Variants in LIPH observed in about 807,000 individuals in gnomAD.
LIPH encodes the protein lipase H.
In LIPH, 32 loss-of-function variants were observed where a neutral mutation model predicts 47.6. That is an observed-to-expected ratio of 0.67 (90% CI 0.51 to 0.90). LIPH has a LOEUF of 0.90. Ranked by LOEUF, LIPH falls within the 40% of genes least tolerant of loss-of-function variation. LIPH has a pLI of 0.00. For synonymous variants in LIPH, 190 were observed against 195.6 expected, an observed-to-expected ratio of 0.97 and a Z score of 0.24; for missense variants, 497 against 541.4, an observed-to-expected ratio of 0.92 and a Z score of 0.81.
At chr3:185,528,188 T>A (rs1206600153) in intron 3 of LIPH, among the ~76,000 whole-genome samples, 2 of 147,948 alleles carry the variant, frequency 1.4e-5, no homozygotes, top group Non-Finnish European at 3.0e-5. Flanking sequence ...CATTCCAGCC[T>A]GGCGGCAGAG....
At chr3:185,552,302 C>T in intron 1 of LIPH, 121 bp downstream of exon 1, 12 of 581,526 alleles carry the variant, frequency 2.1e-5, no homozygotes, top group South Asian at 8.5e-5. Flanking sequence ...TATCTTTTTC[C>T]TTAAAAACGA....
Position 185,514,419 on chromosome 3 carries a change from T to G in LIPH, c.1085A>C (p.Lys362Thr), listed in dbSNP as rs770282473. Residue 362 changes from lysine (K) to threonine (T), a missense_variant, in exon 8 of 10, where the codon AAA (lysine) becomes ACA (threonine). Lys to Thr is a moderately conservative substitution (Grantham distance 78). Coordinates refer to ENST00000296252, the MANE Select transcript of LIPH (RefSeq NM_139248.3). ...RDKAGNTTES[K>T]INHEPTTFQK... is the part of the protein sequence containing the mutation. The stretch of plus-strand genomic sequence containing the variant: ...TTGTAACTCAACTTACTGATTGATT[T>G]TGGATTCTGTGGTGTTTCCAGCTTT... The G allele has an allele frequency of 1.2e-5, 17 of 1,472,200 alleles. No homozygotes were observed. Among genetic ancestry groups the G allele is most frequent in the Non-Finnish European group, 1.5e-5 (16 of 1,050,518 alleles). 91.2% of individuals were successfully genotyped at this position (1,472,200 alleles called of 1,614,324 possible). A position where few individuals can be genotyped will look rare whatever the true frequency, so the allele number is the denominator to read the frequency against.
rs548154681 is a variant in LIPH, at chr3:185,530,496, T to A, written c.527-2911A>T. On this transcript the variant is annotated intron_variant, in intron 3 of 9. Coordinates refer to ENST00000296252, the MANE Select transcript of LIPH (RefSeq NM_139248.3). Reference sequence around the variant, plus strand: ...CGGTCTCAAATAATAATAATAATAATAAATTAATTTAAAAAATACAAAAAT... The same window carrying A: ...CGGTCTCAAATAATAATAATAATAAAAAATTAATTTAAAAAATACAAAAAT... 5.3e-5 allele frequency among the ~76,000 whole-genome samples: 8 copies of A among 150,324 alleles called. No individual in the cohort carries two copies. In the South Asian group the frequency reaches 1.3e-3, roughly 24 times the overall value.
At chr3:185,528,459 A>G (rs1353943418) in intron 3 of LIPH, among the ~76,000 whole-genome samples, 1 of 152,108 alleles carries the variant, frequency 6.6e-6, no homozygotes, top group Non-Finnish European at 1.5e-5. Flanking sequence ...TTATTCATAT[A>G]TGCTAGCCCC....
At chr3:185,536,701 T>C (rs1324551728) in intron 1 of LIPH, among the ~76,000 whole-genome samples, 1 of 152,040 alleles carries the variant, frequency 6.6e-6, no homozygotes, top group Non-Finnish European at 1.5e-5. Flanking sequence ...AATAAATAAA[T>C]AAAAATTAAA....
intron 9 of LIPH, among the ~76,000 whole-genome samples, chr3:185,511,052 A>T (rs1719545970): frequency 6.6e-6 from 1 of 151,926 alleles, no homozygotes. Context: ...TATTTTTAAA[A>T]TTTTTTATTT....
chr3:185,535,777 A>G (rs138131288), intron 1 of LIPH, among the ~76,000 whole-genome samples: 2,591 of 145,186 alleles, frequency 0.018, 95 homozygotes, highest in African/African-American at 0.062. Context: ...TAATTTTTGT[A>G]TTTTTAGAAG....
Position 185,514,411 on chromosome 3 carries a change from G to A in LIPH, c.1093C>T (p.His365Tyr), listed in dbSNP as rs1396664855. 1.5e-6 allele frequency: 2 copies of A among 1,379,232 alleles called. No homozygotes were observed. The highest frequency in any genetic ancestry group is 3.3e-5 in the Admixed American group (2 of 59,738). 85.4% of individuals were successfully genotyped at this position (1,379,232 alleles called of 1,614,324 possible). A position where few individuals can be genotyped will look rare whatever the true frequency, so the allele number is the denominator to read the frequency against. The stretch of plus-strand genomic sequence containing the variant: ...GCAAACAATTGTAACTCAACTTACT[G>A]ATTGATTTTGGATTCTGTGGTGTTT... ...AGNTTESKIN[H>Y]EPTTFQKYHQ... Residue 365 changes from histidine to tyrosine, a missense_variant and splice_region_variant, in exon 8 of 10, where the codon CAT becomes TAT. Physicochemically the swap from His to Tyr is moderately conservative, Grantham distance 83. Transcript: ENST00000296252.
chr3:185,534,923 A>G lies in LIPH; in HGVS notation c.259T>C (p.Trp87Arg). The change falls in exon 2 of 10, where the codon TGG (tryptophan) becomes CGG (arginine). Residue 87 changes from tryptophan to arginine, a missense_variant. Physicochemically the swap from Trp to Arg is moderately radical, Grantham distance 101. Transcript: ENST00000296252. ...GFRPTGSPPV[W>R]MDDLVKGLLS... ...AAACCCTTTACTAAGTCATCCATCC[A>G]AACAGGAGGGGAGCCTGTTGGCCTG... 1 of 1,614,222 alleles carries G rather than the reference A, an allele frequency of 6.2e-7. No individual in the cohort carries two copies. Among genetic ancestry groups the G allele is most frequent in the South Asian group, 1.1e-5 (1 of 91,084 alleles).
Position 185,514,441 on chromosome 3 carries a change from C to G in LIPH, c.1063G>C (p.Ala355Pro). 6.3e-7 allele frequency: 1 copy of G among 1,578,770 alleles called. No individual in the cohort carries two copies. Among genetic ancestry groups the G allele is most frequent in the South Asian group, 1.1e-5 (1 of 90,350 alleles). ...GDITIKLRDKAGNTTESKINH... is the reference protein window; with the variant it reads ...GDITIKLRDKPGNTTESKINH... ...ATTTTGGATTCTGTGGTGTTTCCAGCTTTGTCTCTCAATTTGATGGTAATG... is the reference window on the plus strand; with the variant it reads ...ATTTTGGATTCTGTGGTGTTTCCAGGTTTGTCTCTCAATTTGATGGTAATG... The change falls in exon 8 of 10, where the codon GCT (alanine) becomes CCT (proline). Residue 355 changes from alanine to proline, a missense_variant. By Grantham distance (27) the Ala-to-Pro change is conservative. Transcript: ENST00000296252.
At chr3:185,520,399 C>A (rs1273569999) in intron 5 of LIPH, among the ~76,000 whole-genome samples, 1 of 151,960 alleles carries the variant, frequency 6.6e-6, no homozygotes, top group Non-Finnish European at 1.5e-5. Context: ...CGCCTGTAAT[C>A]CCAGCTACTT....
intron 4 of LIPH, 68 bp from the exon 5 acceptor site, chr3:185,524,228 C>T (rs953870011): frequency 1.0e-5 from 9 of 882,730 alleles, no homozygotes; most frequent in Non-Finnish European, 1.7e-5. Flanking sequence ...CATTTGCCTG[C>T]CAGGTATAAG....
At chr3:185,546,352 CAAAAAA>C (rs56984831) in intron 1 of LIPH, among the ~76,000 whole-genome samples, 1 of 60,548 alleles carries the variant, frequency 1.7e-5, no homozygotes, top group Admixed American at 1.9e-4. Context: ...GACTCCGTCT[CAAAAAA>C]AAAAAAAAAA....
Position 185,529,312 on chromosome 3 carries a change from GT to G in LIPH, c.527-1728del, listed in dbSNP as rs1720234500. 4.0e-5 allele frequency among the ~76,000 whole-genome samples: 6 copies of G among 150,232 alleles called. No individual in the cohort carries two copies. In the South Asian group the frequency reaches 1.1e-3, roughly 26 times the overall value. ...GGCTTCAAGGGAAGTCTCCCTTGAA[GT>G]TTTTGTCTATGAATGTCATTTTATA... is the stretch of plus-strand genomic sequence containing the variant. On this transcript the variant is annotated intron_variant, in intron 3 of 9. Transcript: ENST00000296252.
intron 1 of LIPH, among the ~76,000 whole-genome samples, chr3:185,545,436 G>A (rs1720840583): frequency 6.6e-6 from 1 of 152,216 alleles, no homozygotes; most frequent in African/African-American, 2.4e-5. Context: ...TCGCCTGCAG[G>A]TCAAACCTGG....
At chr3:185,543,046 T>C (rs1720762091) in intron 1 of LIPH, among the ~76,000 whole-genome samples, 1 of 151,756 alleles carries the variant, frequency 6.6e-6, no homozygotes, top group Admixed American at 6.6e-5. Context: ...CCGTCTCTAC[T>C]AAAAATACAA....
At chr3:185,539,473 C>A (rs559819356) in intron 1 of LIPH, among the ~76,000 whole-genome samples, 15 of 151,132 alleles carry the variant, frequency 9.9e-5, no homozygotes, top group East Asian at 7.8e-4. Flanking sequence ...CGGGTTCAAG[C>A]GATTCTACTG....
intron 5 of LIPH, among the ~76,000 whole-genome samples, chr3:185,522,747 C>G (rs1432140432): frequency 6.6e-6 from 1 of 152,140 alleles, no homozygotes; most frequent in Non-Finnish European, 1.5e-5. Context: ...ATGTTGCCCT[C>G]TAACTCCCCA....
chr3:185,531,439 G>C (rs1720327254), intron 3 of LIPH, among the ~76,000 whole-genome samples: 1 of 151,618 alleles, frequency 6.6e-6, no homozygotes, highest in African/African-American at 2.4e-5. Context: ...CCAGCTGCTT[G>C]AGAGGCTGAG....
Sources: allele counts gnomAD v4.1 joint callset (sites outside exome capture counted in the v4.1 genomes callset), GRCh38; gene constraint gnomAD v4.1.1; transcripts MANE v1.5; gene names NCBI Gene and HGNC (gene_info 2026-07-23, HGNC 2026-07-21).